ZYG11B: variants seen among roughly 807,000 people sequenced by gnomAD.
ZYG11B encodes the protein protein zyg-11 homolog B.
Under a neutral mutation model 82.4 loss-of-function variants are expected in ZYG11B, and 36 were observed. The observed-to-expected ratio is 0.44, with a 90% confidence interval of 0.33 to 0.58. The LOEUF (loss-of-function observed/expected upper bound fraction) is 0.58, where lower values mean the gene tolerates loss of function less well. Ranked by LOEUF, ZYG11B falls within the 20% of genes least tolerant of loss-of-function variation. ZYG11B has a pLI of 0.02. For synonymous variants in ZYG11B, 303 were observed against 312.8 expected (o/e 0.97, Z 0.33); for missense variants, 552 against 895.6 (o/e 0.62, Z 4.90).
rs759136001 is a variant in ZYG11B at position 52,771,612 on chromosome 1, C to T, written c.789C>T (p.Asp263=). 1.2e-6 allele frequency: 2 copies of T among 1,614,200 alleles called. No individual in the cohort carries two copies. Among genetic ancestry groups the T allele is most frequent in the Middle Eastern group, 1.6e-4 (1 of 6,062 alleles). ...CTCTTCGCTTACTAGAACAAAAAGA[C>T]ATCCTACCTAACCTTGTTTCTCTGG... The part of the protein sequence containing the change: ...DIALRLLEQK[D]ILPNLVSLDV... The change falls in exon 3 of 14, where the codon GAC becomes GAT. Residue 263 remains aspartate, a synonymous_variant. Coordinates refer to ENST00000294353, the MANE Select transcript of ZYG11B (RefSeq NM_024646.3). This position sits in a 1 kb window ranked among gnomAD's most constrained non-coding sequence, Gnocchi z 5.4.
intron 2 of ZYG11B, among the ~76,000 whole-genome samples, chr1:52,761,499 G>T (rs1278076856): frequency 6.6e-6 from 1 of 152,148 alleles, no homozygotes; most frequent in East Asian, 1.9e-4. Flanking sequence ...CATTCATTTT[G>T]CTGTGAATGA....
At chr1:52,786,419 G>A (rs759215624) in intron 5 of ZYG11B, among the ~76,000 whole-genome samples, 12 of 152,262 alleles carry the variant, frequency 7.9e-5, no homozygotes, top group Non-Finnish European at 1.3e-4. Flanking sequence ...TACATGAACT[G>A]TATCTCAATA....
At position 52,772,770 on chromosome 1, in the gene ZYG11B, C is replaced by T. The variant is rs574249279; in HGVS notation, c.951+996C>T. The T allele has an allele frequency of 6.5e-4, 375 of 581,238 alleles. 4 individuals carry two copies. Among genetic ancestry groups the T allele is most frequent in the South Asian group, 6.2e-3 (318 of 51,196 alleles). The allele number at this position is 581,238 out of a possible 1,614,324, so 36.0% of individuals were successfully genotyped here. ...TTGGCTCACTGCAAGCTCTGCCTCCCGGGTTCACGCCATTCTTCTGCCTCA... is the reference window on the plus strand; with the variant it reads ...TTGGCTCACTGCAAGCTCTGCCTCCTGGGTTCACGCCATTCTTCTGCCTCA... On this transcript the variant is annotated intron_variant, in intron 3 of 13. Transcript: ENST00000294353.
intron 1 of ZYG11B, among the ~76,000 whole-genome samples, chr1:52,752,034 T>C (rs1306406755): frequency 6.6e-6 from 1 of 151,944 alleles, no homozygotes; most frequent in Non-Finnish European, 1.5e-5. Context: ...CCCTAAAATT[T>C]ACCTCAGTTC....
At chr1:52,738,009 A>T (rs957480352) in intron 1 of ZYG11B, among the ~76,000 whole-genome samples, 1 of 152,220 alleles carries the variant, frequency 6.6e-6, no homozygotes, top group African/African-American at 2.4e-5. Context: ...TAACAGGAAG[A>T]GCTGAGAAGA....
chr1:52,768,454 A>G (rs879889309), intron 2 of ZYG11B, among the ~76,000 whole-genome samples: 4 of 152,136 alleles, frequency 2.6e-5, no homozygotes, highest in Admixed American at 6.6e-5. Flanking sequence ...AATGCACTGC[A>G]TCTATGGCTC....
At chr1:52,798,374 G>A (rs1050984201) in intron 8 of ZYG11B, among the ~76,000 whole-genome samples, 1 of 152,098 alleles carries the variant, frequency 6.6e-6, no homozygotes, top group African/African-American at 2.4e-5. Context: ...AGCATTTTGG[G>A]AGGCCAAGGC....
intron 2 of ZYG11B, among the ~76,000 whole-genome samples, chr1:52,757,045 T>C (rs1316366111): frequency 6.6e-6 from 1 of 151,600 alleles, no homozygotes; most frequent in Admixed American, 6.6e-5. Flanking sequence ...GTCTTTTTTT[T>C]TTTTTAAATT....
intron 1 of ZYG11B, among the ~76,000 whole-genome samples, chr1:52,754,744 A>G (rs1327742503): frequency 1.3e-5 from 2 of 152,278 alleles, no homozygotes; most frequent in East Asian, 3.9e-4. Flanking sequence ...TTTAATAGAT[A>G]TACATTGGTG....
chr1:52,815,320 A>C (rs2149966202), intron 12 of ZYG11B, among the ~76,000 whole-genome samples: 1 of 152,230 alleles, frequency 6.6e-6, no homozygotes, highest in South Asian at 2.1e-4. Flanking sequence ...TAGGCATCAT[A>C]GTGAGACCTC....
intron 2 of ZYG11B, among the ~76,000 whole-genome samples, chr1:52,758,854 G>A (rs1469680038): frequency 3.3e-5 from 5 of 152,114 alleles, no homozygotes; most frequent in African/African-American, 1.2e-4. Flanking sequence ...CCCTTACACA[G>A]CTGCACAACG....
chr1:52,794,258 G>T (rs2448791), intron 6 of ZYG11B, among the ~76,000 whole-genome samples: 48,845 of 151,984 alleles, frequency 0.32, 8,483 homozygotes, highest in Admixed American at 0.44. Flanking sequence ...ACAGGCGTGA[G>T]CCACTGCTCC....
intron 6 of ZYG11B, among the ~76,000 whole-genome samples, chr1:52,794,458 C>T (rs1449690788): frequency 6.6e-6 from 1 of 152,114 alleles, no homozygotes; most frequent in Non-Finnish European, 1.5e-5. Context: ...TGAAAATAAT[C>T]ATTCAGTCAA....
At chr1:52,731,739 T>A (rs997155482) in intron 1 of ZYG11B, among the ~76,000 whole-genome samples, 8 of 151,748 alleles carry the variant, frequency 5.3e-5, no homozygotes, top group Non-Finnish European at 7.4e-5. Flanking sequence ...AAAGTGATAT[T>A]GTGTGTGTGT....
intron 1 of ZYG11B, among the ~76,000 whole-genome samples, chr1:52,753,605 G>GT (rs958739010): frequency 6.0e-5 from 9 of 150,434 alleles, no homozygotes; most frequent in South Asian, 2.1e-4. Flanking sequence ...GTGTTTTTTT[G>GT]TTTTTTTTGA....
chr1:52,816,780 C>CTTTTT (rs71044423), intron 13 of ZYG11B, 151 bp downstream of exon 13: 28 of 264,242 alleles, frequency 1.1e-4, no homozygotes, highest in African/African-American at 3.0e-4. Context: ...TTAAGGTATT[C>CTTTTT]TTTTTTTTTT....
chr1:52,780,148 GAGA>G (rs1558131394), intron 4 of ZYG11B, among the ~76,000 whole-genome samples, 155 bp downstream of exon 4: 1 of 152,124 alleles, frequency 6.6e-6, no homozygotes, highest in Non-Finnish European at 1.5e-5. Context: ...ATAAACGAGA[GAGA>G]AGATAGTTGT....
intron 5 of ZYG11B, 83 bp downstream of exon 5, chr1:52,785,136 C>A: frequency 7.0e-7 from 1 of 1,436,220 alleles, no homozygotes; most frequent in Non-Finnish European, 9.4e-7. Flanking sequence ...TAGACCAAGG[C>A]TGGAAATTCA....
At chr1:52,731,366 C>CT (rs1644331324) in intron 1 of ZYG11B, among the ~76,000 whole-genome samples, 1 of 152,054 alleles carries the variant, frequency 6.6e-6, no homozygotes, top group African/African-American at 2.4e-5. Flanking sequence ...CTGCCTAACT[C>CT]TAACATATCC....
Sources: gnomAD v4.1 joint callset for allele counts (sites outside exome capture counted in the v4.1 genomes callset) on GRCh38, gnomAD v4.1.1 for gene constraint, Gnocchi (gnomAD v3.1) non-coding constraint, MANE v1.5 for transcripts, NCBI Gene and HGNC (gene_info 2026-07-23, HGNC 2026-07-21) for gene names.